Variants in ZNF592 observed in about 807,000 individuals in gnomAD.
ZNF592 encodes zinc finger protein 592.
Under a neutral mutation model 80.3 loss-of-function variants are expected in ZNF592, and 11 were observed. The ratio of observed to expected loss-of-function variants is 0.14; its 90% CI spans 0.09 to 0.23. ZNF592 has a LOEUF of 0.23. ZNF592 is among the 10% of genes least tolerant of loss of function. ZNF592 has a pLI of 1.00. For missense variants in ZNF592, 1,420 were observed against 1,633.9 expected (o/e 0.87, Z 2.26); for synonymous variants, 646 against 640.3 (o/e 1.01, Z -0.13).
At chr15:84,749,406 T>C (rs1478330216) in intron 1 of ZNF592, among the ~76,000 whole-genome samples, 2 of 152,178 alleles carry the variant, frequency 1.3e-5, no homozygotes, top group East Asian at 3.9e-4. Context: ...GGGGTCCGTA[T>C]GACCTTAGGT....
At chr15:84,775,926 A>G (rs1962238223) in intron 2 of ZNF592, among the ~76,000 whole-genome samples, 1 of 152,226 alleles carries the variant, frequency 6.6e-6, no homozygotes, top group Non-Finnish European at 1.5e-5. Flanking sequence ...AAATATTTCC[A>G]GATATTCCCT....
chr15:84,757,173 C>A (rs1407831055), intron 1 of ZNF592, among the ~76,000 whole-genome samples: 1 of 152,064 alleles, frequency 6.6e-6, no homozygotes, highest in Non-Finnish European at 1.5e-5. Context: ...CCAAGCCAGT[C>A]TCAAACTCCT....
rs1963030789 is a variant in ZNF592 at position 84,799,488 on chromosome 15, A to T, written c.3137+278A>T. Among the ~76,000 whole-genome samples, 1 of 152,078 alleles carries T rather than the reference A, an allele frequency of 6.6e-6. No individual in the cohort carries two copies. The highest frequency in any genetic ancestry group is 1.5e-5 in the Non-Finnish European group (1 of 68,012). On this transcript the variant is annotated intron_variant, in intron 9 of 10. Coordinates refer to ENST00000560079, the MANE Select transcript of ZNF592 (RefSeq NM_014630.3). The surrounding 1 kb of genome is among the most constrained non-coding windows in gnomAD (Gnocchi z 4.2). ...CTGAGGTTTAAGAGGAGGGGTGGTGATGTGAGCATGCACCCCTGGGGCCGA... is the reference window on the plus strand; with the variant it reads ...CTGAGGTTTAAGAGGAGGGGTGGTGTTGTGAGCATGCACCCCTGGGGCCGA...
rs756046268 is a variant in ZNF592 at position 84,783,077 on chromosome 15, A to G, written c.402A>G (p.Pro134=). ...AACTGGAGCCTCCCAAGTCAGAGCC[A>G]TTACCCACCTTCAACCAGTTCAGTC... is the stretch of plus-strand genomic sequence containing the variant. ...PGKLEPPKSE[P]LPTFNQFSPI... Residue 134 remains proline, a synonymous_variant, in exon 4 of 11, where the codon CCA becomes CCG. Transcript: ENST00000560079. The surrounding 1 kb of genome is among the most constrained non-coding windows in gnomAD (Gnocchi z 5.0). 16 of 1,614,134 alleles carry G rather than the reference A, an allele frequency of 9.9e-6. No individual in the cohort carries two copies. The Admixed American group carries it at 2.7e-4, about 27-fold the overall frequency.
At chr15:84,758,523 A>G (rs918394701) in intron 1 of ZNF592, among the ~76,000 whole-genome samples, 6 of 152,142 alleles carry the variant, frequency 3.9e-5, no homozygotes, top group African/African-American at 4.8e-5. Context: ...GAGCTAGGCA[A>G]TCGGCCCCTC....
At chr15:84,792,713 G>A (rs866755958) in intron 5 of ZNF592, among the ~76,000 whole-genome samples, 6 of 152,254 alleles carry the variant, frequency 3.9e-5, no homozygotes, top group Middle Eastern at 3.4e-3. Context: ...TCAACTCCCC[G>A]AAGTGTTGGG....
rs1414621320 is a variant in ZNF592 at position 84,799,311 on chromosome 15, C to T, written c.3137+101C>T. On this transcript the variant is annotated intron_variant, in intron 9 of 10. Coordinates refer to ENST00000560079, the MANE Select transcript of ZNF592 (RefSeq NM_014630.3). The surrounding 1 kb of genome is among the most constrained non-coding windows in gnomAD (Gnocchi z 4.2). Reference sequence around the variant, plus strand: ...GTGCTGCAAGATCAGGTGTCTAAGACAAGAGACAAGTGATTTCCAACTGGA... The same window carrying T: ...GTGCTGCAAGATCAGGTGTCTAAGATAAGAGACAAGTGATTTCCAACTGGA... The T allele has an allele frequency of 5.0e-6, 6 of 1,198,966 alleles. No homozygotes were observed. The East Asian group carries it at 1.2e-4, about 23-fold the overall frequency. The allele number at this position is 1,198,966 out of a possible 1,614,324, so 74.3% of individuals were successfully genotyped here. A position where few individuals can be genotyped will look rare whatever the true frequency, so the allele number is the denominator to read the frequency against.
intron 2 of ZNF592, among the ~76,000 whole-genome samples, chr15:84,768,230 C>CTTTCTT (rs1182502023): frequency 1.6e-5 from 2 of 122,340 alleles, no homozygotes; most frequent in African/African-American, 6.5e-5. Flanking sequence ...TTCTTTCTTT[C>CTTTCTT]TTTTTTTTTT....
chr15:84,786,497 G>A (rs1215110980), intron 4 of ZNF592, among the ~76,000 whole-genome samples: 4 of 152,152 alleles, frequency 2.6e-5, no homozygotes, highest in African/African-American at 9.7e-5. Context: ...GCATGAGGCT[G>A]GTCTTGGAAA....
chr15:84,782,759 G>T lies in ZNF592; in HGVS notation c.84G>T (p.Glu28Asp). Reference sequence around the variant, plus strand: ...ACCCCACCAGCCTTGATGCCAAGGAGGCCATCCAGACACCCAGTGAGGAGA... The same window carrying T: ...ACCCCACCAGCCTTGATGCCAAGGATGCCATCCAGACACCCAGTGAGGAGA... ...IPDPTSLDAK[E>D]AIQTPSEENE... Residue 28 changes from glutamate to aspartate, a missense_variant, in exon 4 of 11, where the codon GAG becomes GAT. Glu to Asp is a conservative substitution (Grantham distance 45). Around this residue, in one of 7 missense-constraint regions of ZNF592, gnomAD observed 373 missense variants for 355.5 expected, o/e 1.05. Transcript: ENST00000560079. 1 of 1,614,124 alleles carries T rather than the reference G, an allele frequency of 6.2e-7. No homozygotes were observed.
intron 2 of ZNF592, among the ~76,000 whole-genome samples, chr15:84,770,013 A>G (rs951911268): frequency 6.6e-6 from 1 of 152,218 alleles, no homozygotes; most frequent in Non-Finnish European, 1.5e-5. Flanking sequence ...GGTGGAAGCA[A>G]GAAGATCAGT....
intron 2 of ZNF592, among the ~76,000 whole-genome samples, chr15:84,767,197 G>A (rs567564390): frequency 3.9e-5 from 6 of 152,088 alleles, no homozygotes; most frequent in African/African-American, 9.6e-5. Flanking sequence ...TTGTATTTTT[G>A]TAGAGATTTT....
chr15:84,775,271 T>A (rs1220586554), intron 2 of ZNF592, among the ~76,000 whole-genome samples: 1 of 152,012 alleles, frequency 6.6e-6, no homozygotes, highest in Non-Finnish European at 1.5e-5. Flanking sequence ...AATTTTTGTA[T>A]TTTTGGTAGA....
At chr15:84,760,674 G>A (rs1419260479) in intron 1 of ZNF592, among the ~76,000 whole-genome samples, 1 of 152,178 alleles carries the variant, frequency 6.6e-6, no homozygotes, top group African/African-American at 2.4e-5. Context: ...GCAAAGGGCA[G>A]TGTAGCTAGC....
chr15:84,773,503 G>T (rs937396807), intron 2 of ZNF592, among the ~76,000 whole-genome samples: 1 of 151,866 alleles, frequency 6.6e-6, no homozygotes, highest in South Asian at 2.1e-4. Flanking sequence ...GAGCCATCGC[G>T]CCCGGCCCCC....
chr15:84,784,071 G>C lies in ZNF592; in HGVS notation c.1396G>C (p.Gly466Arg). The change falls in exon 4 of 11, where the codon GGG becomes CGG. Residue 466 changes from glycine to arginine, a missense_variant. Transcript: ENST00000560079. This position sits in a 1 kb window ranked among gnomAD's most constrained non-coding sequence, Gnocchi z 5.8. ...SDSSSPSCSS[G>R]PRVPKGAAPG... ...CTCGTCATCTCCCAGCTGCAGTTCT[G>C]GGCCCCGGGTCCCAAAGGGGGCTGC... 1 of 1,613,852 alleles carries C rather than the reference G, an allele frequency of 6.2e-7. No individual in the cohort carries two copies. The highest frequency in any genetic ancestry group is 8.5e-7 in the Non-Finnish European group (1 of 1,179,772).
intron 2 of ZNF592, among the ~76,000 whole-genome samples, chr15:84,774,987 G>T (rs962996690): frequency 1.4e-4 from 21 of 152,028 alleles, no homozygotes; most frequent in African/African-American, 5.1e-4. Context: ...TGCCATGTTG[G>T]TCAGGCTGGT....
At chr15:84,794,311 A>G (rs1962831513) in intron 5 of ZNF592, among the ~76,000 whole-genome samples, 2 of 152,154 alleles carry the variant, frequency 1.3e-5, no homozygotes, top group African/African-American at 4.8e-5. Context: ...TTCCAAAGTG[A>G]CTGCAGCGTT....
chr15:84,778,807 C>G (rs1253159272), intron 3 of ZNF592, among the ~76,000 whole-genome samples: 2 of 152,174 alleles, frequency 1.3e-5, no homozygotes, highest in Non-Finnish European at 2.9e-5. Context: ...TGGGGTTGAT[C>G]TAAGGGTCCT....
Sources: gnomAD v4.1 joint callset for allele counts (sites outside exome capture counted in the v4.1 genomes callset) on GRCh38, gnomAD v4.1.1 for gene constraint, gnomAD v4.1.1 regional missense constraint, Gnocchi (gnomAD v3.1) non-coding constraint, MANE v1.5 for transcripts, NCBI Gene and HGNC (gene_info 2026-07-23, HGNC 2026-07-21) for gene names.